The following CNTNAP5 variants were observed in gnomAD, a reference collection of about 807,000 sequenced individuals.
CNTNAP5 encodes contactin associated protein family member 5, also known as contactin-associated protein-like 5.
A neutral mutation model predicts 150.2 loss-of-function variants in CNTNAP5; 72 were observed. That is an observed-to-expected ratio of 0.48 (90% CI 0.40 to 0.58). The LOEUF (loss-of-function observed/expected upper bound fraction) is 0.58. CNTNAP5 is among the 20% of genes least tolerant of loss of function. The probability of loss-of-function intolerance (pLI) is 0.00; values close to 1 mark genes in which losing one functional copy is unlikely to be tolerated. For synonymous variants in CNTNAP5, 672 were observed against 619.8 expected, an observed-to-expected ratio of 1.08 and a Z score of -1.25; for missense variants, 1,636 against 1,626.2, an observed-to-expected ratio of 1.01 and a Z score of -0.10.
Position 124,266,206 on chromosome 2 carries a change from A to G in CNTNAP5, c.381+23813A>G, listed in dbSNP as rs144539691. The stretch of plus-strand genomic sequence containing the variant: ...ATGGCCATTGATATTACTTTTATCT[A>G]CAGACTTGGATCTAAGTTTGAGGCA... On this transcript the variant is annotated intron_variant, in intron 3 of 23. Transcript: ENST00000682447. Among the ~76,000 whole-genome samples, 253 of 152,258 alleles carry G rather than the reference A, an allele frequency of 1.7e-3. 8 individuals carry two copies. The East Asian group carries it at 0.042, about 25-fold the overall frequency.
chr2:124,384,490 T>C (rs17724818), intron 3 of CNTNAP5, among the ~76,000 whole-genome samples: 24,002 of 152,162 alleles, frequency 0.16, 1,940 homozygotes, highest in East Asian at 0.18. Context: ...GGAAGATGCT[T>C]ATCAAGTAAC....
At chr2:124,670,524 T>C (rs958658413) in intron 13 of CNTNAP5, among the ~76,000 whole-genome samples, 1 of 152,182 alleles carries the variant, frequency 6.6e-6, no homozygotes, top group Non-Finnish European at 1.5e-5. Flanking sequence ...TTTCACTTTA[T>C]TGACATTGTC....
chr2:124,698,954 T>C (rs1455204655), intron 13 of CNTNAP5, among the ~76,000 whole-genome samples: 1 of 152,190 alleles, frequency 6.6e-6, no homozygotes, highest in African/African-American at 2.4e-5. Flanking sequence ...TGGAATTCTG[T>C]ATGATGATGG....
intron 1 of CNTNAP5, among the ~76,000 whole-genome samples, chr2:124,104,459 A>C (rs1390843140): frequency 6.6e-6 from 1 of 152,184 alleles, no homozygotes; most frequent in Non-Finnish European, 1.5e-5. Context: ...CATCTGGGCA[A>C]TACTGAATGC....
intron 2 of CNTNAP5, among the ~76,000 whole-genome samples, chr2:124,230,492 TTGTG>T (rs10574167): frequency 1.1e-4 from 17 of 148,882 alleles, no homozygotes; most frequent in African/African-American, 2.2e-4. Flanking sequence ...TTTATTTCTT[TTGTG>T]TGTGTGTGTG....
chr2:124,637,036 C>A (rs901377511), intron 12 of CNTNAP5, among the ~76,000 whole-genome samples: 1 of 152,066 alleles, frequency 6.6e-6, no homozygotes, highest in African/African-American at 2.4e-5. Flanking sequence ...CAAATATATT[C>A]TTCTATGTAA....
intron 3 of CNTNAP5, among the ~76,000 whole-genome samples, chr2:124,366,662 C>A (rs1690379094): frequency 6.6e-6 from 1 of 152,140 alleles, no homozygotes. Flanking sequence ...TAATGACAAA[C>A]CACAGCAACA....
chr2:124,576,837 T>C (rs1696292303), intron 11 of CNTNAP5, among the ~76,000 whole-genome samples: 1 of 152,206 alleles, frequency 6.6e-6, no homozygotes, highest in African/African-American at 2.4e-5. Flanking sequence ...GAGTGGTGGA[T>C]GCAGTGCCTA....
chr2:124,564,407 G>A (rs1327945005), intron 11 of CNTNAP5, among the ~76,000 whole-genome samples: 1 of 152,144 alleles, frequency 6.6e-6, no homozygotes, highest in Non-Finnish European at 1.5e-5. Context: ...CCAGGCTGGA[G>A]TCCAGTGGCA....
At chr2:124,412,263 A>T (rs1435878677) in intron 3 of CNTNAP5, among the ~76,000 whole-genome samples, 1 of 149,768 alleles carries the variant, frequency 6.7e-6, no homozygotes, top group African/African-American at 2.4e-5. Context: ...TTCCATGCTC[A>T]TGGGTAGGAA....
intron 1 of CNTNAP5, among the ~76,000 whole-genome samples, chr2:124,184,858 G>A (rs1457185433): frequency 6.6e-6 from 1 of 152,108 alleles, no homozygotes; most frequent in Non-Finnish European, 1.5e-5. Context: ...GAAGAAGATG[G>A]CATGTGTGCA....
intron 12 of CNTNAP5, among the ~76,000 whole-genome samples, chr2:124,613,754 A>C (rs924700111): frequency 4.6e-5 from 7 of 152,206 alleles, no homozygotes; most frequent in Admixed American, 6.5e-5. Flanking sequence ...GGCAGTCTTC[A>C]GGAGGGGAGT....
At chr2:124,100,989 A>G (rs12104802) in intron 1 of CNTNAP5, among the ~76,000 whole-genome samples, 217 of 152,310 alleles carry the variant, frequency 1.4e-3, no homozygotes, top group African/African-American at 5.1e-3. Context: ...TGAAAAAGAG[A>G]AAAAAGGATC....
chr2:124,613,631 G>A (rs1677433304), intron 12 of CNTNAP5, among the ~76,000 whole-genome samples: 1 of 152,166 alleles, frequency 6.6e-6, no homozygotes, highest in Non-Finnish European at 1.5e-5. Context: ...TTGAGTCCCA[G>A]CTGTCTCCTC....
chr2:124,895,129 T>C (rs1027073253), intron 21 of CNTNAP5, among the ~76,000 whole-genome samples: 1 of 151,606 alleles, frequency 6.6e-6, no homozygotes, highest in Admixed American at 6.6e-5. Context: ...CTGAATTGAC[T>C]TGGTTATATT....
rs189863379 is a variant in CNTNAP5 at position 124,257,940 on chromosome 2, C to T, written c.381+15547C>T. On this transcript the variant is annotated intron_variant, in intron 3 of 23. Coordinates refer to ENST00000682447, the MANE Select transcript of CNTNAP5 (RefSeq NM_001367498.1). ...CGAAATGTTCTCTAAAATTACTTTT[C>T]CATCATTATAAATTTGACTTGAAAG... is the stretch of plus-strand genomic sequence containing the variant. 4.0e-3 allele frequency among the ~76,000 whole-genome samples: 616 copies of T among 152,258 alleles called. 5 individuals are homozygous for T. The highest frequency in any genetic ancestry group is 0.014 in the African/African-American group (576 of 41,560).
In CNTNAP5 at chr2:124,169,320, A is replaced by C. The variant is rs574971577; in HGVS notation, c.83-52385A>C. Among the ~76,000 whole-genome samples the C allele has an allele frequency of 1.3e-4, 20 of 152,240 alleles. 1 individual carries two copies. In the South Asian group the frequency reaches 4.1e-3, roughly 32 times the overall value. The stretch of plus-strand genomic sequence containing the variant: ...GGCTTTGATGATGCTCTGCGCAGCT[A>C]TCCACTCACTCAAAGGACAAATGGA... On this transcript the variant is annotated intron_variant, in intron 1 of 23. Transcript: ENST00000682447.
At chr2:124,082,177 G>A (rs1467654703) in intron 1 of CNTNAP5, among the ~76,000 whole-genome samples, 6 of 151,758 alleles carry the variant, frequency 4.0e-5, no homozygotes, top group African/African-American at 1.2e-4. Context: ...GTGAAACCCC[G>A]TCTCTACTAA....
At chr2:124,322,616 A>G (rs1207593214) in intron 3 of CNTNAP5, among the ~76,000 whole-genome samples, 1 of 152,214 alleles carries the variant, frequency 6.6e-6, no homozygotes, top group East Asian at 1.9e-4. Flanking sequence ...TATGTGTGCA[A>G]AGTAATTATT....
Sources: gnomAD v4.1 joint callset for allele counts (sites outside exome capture counted in the v4.1 genomes callset) on GRCh38, gnomAD v4.1.1 for gene constraint, MANE v1.5 for transcripts, NCBI Gene and HGNC (gene_info 2026-07-23, HGNC 2026-07-21) for gene names.